The following VPS13D variants were observed in gnomAD, a reference collection of about 807,000 sequenced individuals.
VPS13D encodes the protein intermembrane lipid transfer protein VPS13D.
VPS13D carries 187 observed loss-of-function variants against 461.9 expected under a neutral mutation model. The observed-to-expected ratio is 0.40, with a 90% CI of 0.36 to 0.46. VPS13D has a LOEUF of 0.46. VPS13D is among the 20% of genes least tolerant of loss of function. The pLI is 0.60. For missense variants in VPS13D, 4,711 were observed against 5,364.9 expected (o/e 0.88, Z 3.81); for synonymous variants, 1,951 against 1,986.3 (o/e 0.98, Z 0.47).
Position 12,509,005 on chromosome 1 carries a change from A to G in VPS13D, c.13148A>G (p.Gln4383Arg). The G allele has an allele frequency of 6.2e-7, 1 of 1,614,182 alleles. No homozygotes were observed. The highest frequency in any genetic ancestry group is 1.7e-4 in the Middle Eastern group (1 of 6,060). Residue 4383 changes from glutamine (Q) to arginine (R), a missense_variant, in exon 70 of 70, where the codon CAG becomes CGG. Physicochemically the swap from Gln to Arg is conservative, Grantham distance 43 (BLOSUM62 1). Transcript: ENST00000620676. ...LMLRLSENRE[Q>R]LELDS ...TTAAGACTCAGCGAAAACCGAGAGC[A>G]GCTGGAGCTGGACTCCTGAAGCCCC... is the stretch of plus-strand genomic sequence containing the variant.
At chr1:12,375,717 G>T (rs935757488) in intron 55 of VPS13D, among the ~76,000 whole-genome samples, 1 of 152,124 alleles carries the variant, frequency 6.6e-6, no homozygotes, top group South Asian at 2.1e-4. Flanking sequence ...ACCTCCCTCT[G>T]TGATGCTCCC....
intron 65 of VPS13D, among the ~76,000 whole-genome samples, chr1:12,450,015 C>T (rs10218648): frequency 0.01 from 1,550 of 152,126 alleles, 30 homozygotes; most frequent in African/African-American, 0.035. Context: ...ATCCCTGCTA[C>T]GGGAGGCTGA....
chr1:12,499,686 C>G (rs932457774), intron 68 of VPS13D: 2 of 985,286 alleles, frequency 2.0e-6, no homozygotes, highest in Admixed American at 1.2e-4. Flanking sequence ...TGTCTCCACC[C>G]AAGTTGTGGG....
At position 12,369,641 on chromosome 1, in the gene VPS13D, G is replaced by A. The variant is rs1307652600; in HGVS notation, c.10747G>A (p.Asp3583Asn). The change falls in exon 54 of 70, where the codon GAT becomes AAT. Residue 3583 changes from aspartate (D) to asparagine (N), a missense_variant. Coordinates refer to ENST00000620676, the MANE Select transcript of VPS13D (RefSeq NM_015378.4). Reference protein sequence around the residue: ...EINCNMNDFQDNRQLYYENFI... With the variant: ...EINCNMNDFQNNRQLYYENFI... ...CAACTGCAACATGAATGATTTCCAG[G>A]ATAATCGGCAGCTTTATTATGAAAA... 3 of 1,614,066 alleles carry A rather than the reference G, an allele frequency of 1.9e-6. No individual in the cohort carries two copies. The highest frequency in any genetic ancestry group is 1.7e-6 in the Non-Finnish European group (2 of 1,180,046).
At position 12,275,579 on chromosome 1, in the gene VPS13D, T is replaced by A. The variant is rs571631078; in HGVS notation, c.2237-246T>A. ...GCAGCATTGGGTCAGCAGGTGGCGC[T>A]CATGTCAGGGGGCCTCCAGCTTTTT... On this transcript the variant is annotated intron_variant, in intron 18 of 69. Coordinates refer to ENST00000620676, the MANE Select transcript of VPS13D (RefSeq NM_015378.4). Among the ~76,000 whole-genome samples the A allele has an allele frequency of 2.6e-4, 39 of 152,304 alleles. 1 individual carries two copies. In the South Asian group the frequency reaches 8.1e-3, roughly 32 times the overall value.
At chr1:12,244,137 A>T in intron 3 of VPS13D, 109 bp from the exon 4 acceptor site, 1 of 1,116,394 alleles carries the variant, frequency 9.0e-7, no homozygotes, top group Non-Finnish European at 1.2e-6. Flanking sequence ...AATAAAAAAA[A>T]GTAGTAACAG....
Position 12,356,617 on chromosome 1 carries a change from T to C in VPS13D, c.9998+93T>C, listed in dbSNP as rs1643887949. The C allele has an allele frequency of 2.7e-6, 4 of 1,480,054 alleles. No individual in the cohort carries two copies. The East Asian group carries it at 7.1e-5, about 26-fold the overall frequency. 91.7% of individuals were successfully genotyped at this position (1,480,054 alleles called of 1,614,324 possible). On this transcript the variant is annotated intron_variant, in intron 49 of 69. Transcript: ENST00000620676. ...TAATATATCCGTGTAAGTAGAAATA[T>C]ACTGTAGATAACAATCCTGACTTGG...
At chr1:12,258,357 C>T (rs1471597408) in intron 10 of VPS13D, among the ~76,000 whole-genome samples, 1 of 152,180 alleles carries the variant, frequency 6.6e-6, no homozygotes. Context: ...TTTGCGCCCA[C>T]ACCCCTGCCC....
At chr1:12,320,128 G>A (rs1433899760) in intron 32 of VPS13D, among the ~76,000 whole-genome samples, 1 of 152,260 alleles carries the variant, frequency 6.6e-6, no homozygotes, top group Non-Finnish European at 1.5e-5. Flanking sequence ...GGGCAGCTCT[G>A]CAGAGTCCTG....
chr1:12,365,233 T>C (rs1644017391), intron 52 of VPS13D, among the ~76,000 whole-genome samples: 1 of 152,358 alleles, frequency 6.6e-6, no homozygotes, highest in Non-Finnish European at 1.5e-5. Context: ...TTGTTTTCTC[T>C]ATTCAGAGTT....
chr1:12,398,390 C>T (rs1318712081), intron 60 of VPS13D, among the ~76,000 whole-genome samples: 1 of 149,812 alleles, frequency 6.7e-6, no homozygotes, highest in Non-Finnish European at 1.5e-5. Context: ...GACGGAGTCT[C>T]GTTCTGTTGC....
intron 56 of VPS13D, 144 bp from the exon 57 acceptor site, chr1:12,379,344 A>G: frequency 1.6e-6 from 1 of 629,576 alleles, no homozygotes; most frequent in Non-Finnish European, 2.6e-6. Flanking sequence ...TAACTGCCCT[A>G]GGATTCAAGC....
rs1189394761 is a variant in VPS13D at position 12,323,596 on chromosome 1, A to C, written c.7916-110A>C. On this transcript the variant is annotated intron_variant, in intron 34 of 69. Transcript: ENST00000620676. ...GAGTCCAGTTTTGCTTAGAGAAATG[A>C]AATGTTTTAGTCACGGGTTTTTAAA... is the stretch of plus-strand genomic sequence containing the variant. The C allele has an allele frequency of 1.9e-5, 21 of 1,077,056 alleles. No individual in the cohort carries two copies. In the Admixed American group the frequency reaches 4.6e-4, roughly 23 times the overall value. 66.7% of individuals were successfully genotyped at this position (1,077,056 alleles called of 1,614,324 possible).
chr1:12,317,649 G>A (rs932533418), intron 30 of VPS13D, among the ~76,000 whole-genome samples: 2 of 152,016 alleles, frequency 1.3e-5, no homozygotes, highest in African/African-American at 4.8e-5. Flanking sequence ...GGAGGCTGAG[G>A]CGGGAGGATC....
chr1:12,349,975 G>A (rs962294626), intron 46 of VPS13D, among the ~76,000 whole-genome samples: 6 of 152,230 alleles, frequency 3.9e-5, no homozygotes, highest in South Asian at 2.1e-4. Flanking sequence ...GTGAAGACAG[G>A]CATTCATTTA....
At chr1:12,285,266 G>GTATT (rs1243356647) in intron 21 of VPS13D, among the ~76,000 whole-genome samples, 3,363 of 145,008 alleles carry the variant, frequency 0.023, 83 homozygotes, top group African/African-American at 0.052. Flanking sequence ...TTTATTTTAT[G>GTATT]TATTTATTTA....
chr1:12,234,995 T>G (rs1288635729), intron 2 of VPS13D, among the ~76,000 whole-genome samples: 1 of 152,244 alleles, frequency 6.6e-6, no homozygotes, highest in Admixed American at 6.5e-5. Flanking sequence ...AGTCCCTGAT[T>G]TGGCATGGGA....
chr1:12,242,680 G>T, intron 3 of VPS13D, 90 bp downstream of exon 3: 1 of 1,165,526 alleles, frequency 8.6e-7, no homozygotes, highest in Non-Finnish European at 1.3e-6. Context: ...TATTGATTTG[G>T]CCAGTTAGAG....
intron 53 of VPS13D, among the ~76,000 whole-genome samples, chr1:12,368,893 G>C (rs1644076191): frequency 6.6e-6 from 1 of 152,214 alleles, no homozygotes; most frequent in South Asian, 2.1e-4. Context: ...CGTTCAAACA[G>C]AGGAAGACAT....
Sources: gnomAD v4.1 joint callset for allele counts (sites outside exome capture counted in the v4.1 genomes callset) on GRCh38, gnomAD v4.1.1 for gene constraint, MANE v1.5 for transcripts, NCBI Gene and HGNC (gene_info 2026-07-23, HGNC 2026-07-21) for gene names.